The following SERGEF variants were observed in gnomAD, a reference collection of about 807,000 sequenced individuals.
SERGEF encodes secretion regulating guanine nucleotide exchange factor.
Under a neutral mutation model 50.0 loss-of-function variants are expected in SERGEF, and 51 were observed. The ratio of observed to expected loss-of-function variants is 1.02; its 90% CI spans 0.81 to 1.29. The LOEUF (loss-of-function observed/expected upper bound fraction) is 1.29, where lower values mean the gene tolerates loss of function less well. Ranked by LOEUF, SERGEF falls within the 50% of genes most tolerant of loss-of-function variation. The pLI is 0.00. For synonymous variants in SERGEF, 205 were observed against 212.4 expected (o/e 0.97, Z 0.30); for missense variants, 521 against 557.0 (o/e 0.94, Z 0.65).
intron 8 of SERGEF, among the ~76,000 whole-genome samples, chr11:17,969,855 G>C (rs933944816): frequency 2.0e-5 from 3 of 152,188 alleles, no homozygotes; most frequent in African/African-American, 7.2e-5. Flanking sequence ...TGGGAATAAG[G>C]TTCAAAGTTC....
chr11:17,984,078 A>T (rs936173787), intron 8 of SERGEF, among the ~76,000 whole-genome samples: 2 of 152,224 alleles, frequency 1.3e-5, no homozygotes, highest in Non-Finnish European at 2.9e-5. Flanking sequence ...TATTTTCATC[A>T]TAAGAGCAAT....
At chr11:17,894,328 A>G (rs1342872670) in intron 9 of SERGEF, among the ~76,000 whole-genome samples, 5 of 152,242 alleles carry the variant, frequency 3.3e-5, no homozygotes, top group Admixed American at 3.3e-4. Flanking sequence ...AGTGATTACT[A>G]AACCTATTCT....
chr11:17,803,136 G>A (rs1162576580), intron 10 of SERGEF, among the ~76,000 whole-genome samples: 2 of 152,276 alleles, frequency 1.3e-5, no homozygotes, highest in African/African-American at 4.8e-5. Flanking sequence ...TATATTGTGT[G>A]TGCACACCCA....
chr11:17,993,009 T>A lies in SERGEF; in HGVS notation c.623-16A>T. 6.2e-7 allele frequency: 1 copy of A among 1,610,974 alleles called. No homozygotes were observed. The highest frequency in any genetic ancestry group is 8.5e-7 in the Non-Finnish European group (1 of 1,177,372). Reference sequence around the variant, plus strand: ...TTCTCTAGACCTACAAAAGAAAAAATGTTCTTCTGAATTACATTTATAACA... The same window carrying A: ...TTCTCTAGACCTACAAAAGAAAAAAAGTTCTTCTGAATTACATTTATAACA... On this transcript the variant is annotated splice_polypyrimidine_tract_variant and intron_variant, in intron 6 of 10. Coordinates refer to ENST00000265965, the MANE Select transcript of SERGEF (RefSeq NM_012139.4).
At chr11:17,925,106 T>C (rs1345950468) in intron 9 of SERGEF, among the ~76,000 whole-genome samples, 1 of 152,194 alleles carries the variant, frequency 6.6e-6, no homozygotes, top group Non-Finnish European at 1.5e-5. Flanking sequence ...AAGGTCCTCC[T>C]TGTACTTCAG....
At chr11:17,896,548 G>C (rs1851625019) in intron 9 of SERGEF, among the ~76,000 whole-genome samples, 2 of 123,330 alleles carry the variant, frequency 1.6e-5, no homozygotes, top group East Asian at 2.7e-4. Flanking sequence ...GGAAGGGGAA[G>C]GGAAGGGGAA....
chr11:17,865,077 A>T (rs554934562), intron 10 of SERGEF, among the ~76,000 whole-genome samples: 2 of 152,366 alleles, frequency 1.3e-5, no homozygotes, highest in South Asian at 4.1e-4. Flanking sequence ...TGACCAAAAC[A>T]TCACCAAGTT....
At chr11:17,911,513 G>A (rs1851953193) in intron 9 of SERGEF, among the ~76,000 whole-genome samples, 1 of 150,870 alleles carries the variant, frequency 6.6e-6, no homozygotes, top group African/African-American at 2.4e-5. Context: ...GTTTTTTTGA[G>A]ACAGGATCTC....
chr11:17,873,624 A>AT (rs1851188217), intron 10 of SERGEF, among the ~76,000 whole-genome samples: 1 of 152,118 alleles, frequency 6.6e-6, no homozygotes, highest in South Asian at 2.1e-4. Flanking sequence ...CCATGCATAT[A>AT]TTATAGCTCC....
At chr11:17,843,553 T>C (rs183835217) in intron 10 of SERGEF, among the ~76,000 whole-genome samples, 208 of 152,306 alleles carry the variant, frequency 1.4e-3, no homozygotes, top group African/African-American at 4.8e-3. Context: ...GATTCCAAAG[T>C]CTGTGGTCTT....
chr11:17,804,534 A>G (rs1849724646), intron 10 of SERGEF, among the ~76,000 whole-genome samples: 1 of 150,234 alleles, frequency 6.7e-6, no homozygotes, highest in South Asian at 2.2e-4. Context: ...TTCCTTCTTT[A>G]CGCCAAGTAT....
intron 9 of SERGEF, among the ~76,000 whole-genome samples, chr11:17,931,854 G>A (rs1286108348): frequency 2.0e-5 from 3 of 152,084 alleles, no homozygotes; most frequent in South Asian, 2.1e-4. Context: ...TGGGAGTGAC[G>A]CCCAGCAATC....
At chr11:17,984,734 G>A (rs1329106126) in intron 8 of SERGEF, among the ~76,000 whole-genome samples, 3 of 152,202 alleles carry the variant, frequency 2.0e-5, no homozygotes, top group Non-Finnish European at 4.4e-5. Context: ...AGTAGGTTAA[G>A]AGAGCTAAGA....
At chr11:17,972,080 G>T (rs1565219235) in intron 8 of SERGEF, among the ~76,000 whole-genome samples, 1 of 152,242 alleles carries the variant, frequency 6.6e-6, no homozygotes, top group Non-Finnish European at 1.5e-5. Context: ...TTGTAGGGTT[G>T]AGGAGTTGCT....
chr11:17,866,406 A>T, intron 10 of SERGEF, among the ~76,000 whole-genome samples: 1 of 152,248 alleles, frequency 6.6e-6, no homozygotes, highest in East Asian at 1.9e-4. Flanking sequence ...AGGCTAAACC[A>T]TATAGCCTAG....
At chr11:17,988,865 A>T in intron 7 of SERGEF, 110 bp from the exon 8 acceptor site, 2 of 1,096,130 alleles carry the variant, frequency 1.8e-6, no homozygotes, top group Non-Finnish European at 2.6e-6. Flanking sequence ...TTTTATACTT[A>T]GACTACAAGG....
intron 10 of SERGEF, among the ~76,000 whole-genome samples, chr11:17,807,451 C>A (rs918721256): frequency 2.6e-5 from 4 of 152,218 alleles, no homozygotes; most frequent in Non-Finnish European, 4.4e-5. Context: ...GGGCCACTCA[C>A]CTGGTCCCTT....
At chr11:17,938,345 T>A (rs961727464) in intron 9 of SERGEF, among the ~76,000 whole-genome samples, 1 of 152,190 alleles carries the variant, frequency 6.6e-6, no homozygotes, top group African/African-American at 2.4e-5. Flanking sequence ...CAATATAATA[T>A]GAGCATCTTA....
intron 10 of SERGEF, among the ~76,000 whole-genome samples, chr11:17,842,415 T>G (rs1332763252): frequency 1.3e-5 from 2 of 152,188 alleles, no homozygotes; most frequent in East Asian, 1.9e-4. Flanking sequence ...ACCACAGCAT[T>G]GCCATCATTA....
Sources: gnomAD v4.1 joint callset for allele counts (sites outside exome capture counted in the v4.1 genomes callset) on GRCh38, gnomAD v4.1.1 for gene constraint, MANE v1.5 for transcripts, NCBI Gene and HGNC (gene_info 2026-07-23, HGNC 2026-07-21) for gene names.